GLIS3: variants seen among roughly 807,000 people sequenced by gnomAD.
GLIS3 encodes the protein zinc finger protein GLIS3.
In GLIS3, 53 loss-of-function variants were observed where a neutral mutation model predicts 78.6. The observed-to-expected ratio is 0.67, with a 90% confidence interval of 0.54 to 0.85. The LOEUF is 0.85. Among genes scored for constraint, GLIS3 ranks in the 40% least tolerant of loss-of-function variants. The probability of loss-of-function intolerance (pLI) is 0.00; values close to 1 mark genes in which losing one functional copy is unlikely to be tolerated. For missense variants in GLIS3, 1,703 were observed against 1,231.1 expected, an observed-to-expected ratio of 1.38 and a Z score of -5.74; for synonymous variants, 684 against 509.9, an observed-to-expected ratio of 1.34 and a Z score of -4.60.
the GLIS3 span, among the ~76,000 whole-genome samples, chr9:4,421,477 T>C: frequency 2.6e-5 from 4 of 152,230 alleles, no homozygotes; most frequent in Admixed American, 1.3e-4. Flanking sequence ...CCTGATCAAT[T>C]ACAGGTGGTG....
In GLIS3 at chr9:3,828,289, C is replaced by T; in HGVS notation, c.2776G>A (p.Val926Ile). ...GAGAGCTTTTAGCCTTCGGTGTAGA[C>T]AGAGGAGAGCTGGCTAGGACAGCGG... ...VDRCPSQLSS[V>I]YTEG The change falls in exon 11 of 11, where the codon GTC (valine) becomes ATC (isoleucine). Residue 926 changes from valine (V) to isoleucine (I), a missense_variant. Transcript: ENST00000381971. The T allele has an allele frequency of 6.2e-7, 1 of 1,614,064 alleles. No individual in the cohort carries two copies. Among genetic ancestry groups the T allele is most frequent in the Non-Finnish European group, 8.5e-7 (1 of 1,180,014 alleles).
At chr9:4,103,685 A>C (rs555971947) in intron 4 of GLIS3, among the ~76,000 whole-genome samples, 8 of 152,270 alleles carry the variant, frequency 5.3e-5, no homozygotes, top group African/African-American at 1.9e-4. Context: ...GTAGGAACTC[A>C]GATGTATGGA....
At chr9:4,283,028 T>C (rs1326154596) in intron 2 of GLIS3, among the ~76,000 whole-genome samples, 2 of 151,968 alleles carry the variant, frequency 1.3e-5, no homozygotes, top group East Asian at 3.9e-4. Context: ...TGAGTGCATT[T>C]TTCTCCCTTC....
chr9:4,179,897 G>A (rs1035575843), intron 2 of GLIS3, among the ~76,000 whole-genome samples: 3 of 137,028 alleles, frequency 2.2e-5, no homozygotes, highest in South Asian at 2.6e-4. Context: ...GTGAGAGAGC[G>A]AGACTCTGTC....
chr9:3,858,738 A>G (rs536327189), intron 8 of GLIS3, among the ~76,000 whole-genome samples: 2 of 152,334 alleles, frequency 1.3e-5, no homozygotes, highest in East Asian at 3.9e-4. Flanking sequence ...TAACTTTTAT[A>G]CATGTAGAGA....
At chr9:4,083,756 G>C (rs1281419347) in intron 4 of GLIS3, among the ~76,000 whole-genome samples, 2 of 152,290 alleles carry the variant, frequency 1.3e-5, no homozygotes, top group African/African-American at 4.8e-5. Flanking sequence ...ACTGCAGAAA[G>C]TGCAAGGAGA....
chr9:4,223,485 G>C (rs992769468), intron 2 of GLIS3, among the ~76,000 whole-genome samples: 11 of 152,160 alleles, frequency 7.2e-5, no homozygotes, highest in African/African-American at 2.7e-4. Context: ...CAAGCCCACT[G>C]CCTCCTCCTT....
chr9:3,996,847 A>G (rs1049852578), intron 4 of GLIS3, among the ~76,000 whole-genome samples: 3 of 152,218 alleles, frequency 2.0e-5, no homozygotes, highest in African/African-American at 7.2e-5. Context: ...AAAGGGTGAT[A>G]TAATTTCAGA....
At chr9:4,190,707 A>G (rs1162056779) in intron 2 of GLIS3, among the ~76,000 whole-genome samples, 3 of 152,152 alleles carry the variant, frequency 2.0e-5, no homozygotes, top group Non-Finnish European at 2.9e-5. Flanking sequence ...CCTCGAGAAG[A>G]GCAACTCCAA....
intron 6 of GLIS3, among the ~76,000 whole-genome samples, chr9:3,912,928 T>C (rs1331667030): frequency 6.6e-6 from 1 of 152,232 alleles, no homozygotes. Flanking sequence ...CCTCTGACAC[T>C]GGTTCATTGC....
chr9:4,084,602 G>A (rs1385743229), intron 4 of GLIS3, among the ~76,000 whole-genome samples: 1 of 152,092 alleles, frequency 6.6e-6, no homozygotes, highest in Non-Finnish European at 1.5e-5. Context: ...CTGAGCAGCC[G>A]AAGGATGGTG....
intron 1 of GLIS3, among the ~76,000 whole-genome samples, chr9:4,293,062 C>G (rs748178442): frequency 2.6e-5 from 4 of 152,030 alleles, no homozygotes; most frequent in Non-Finnish European, 5.9e-5. Flanking sequence ...GAAAAACAAA[C>G]AAACAAACAA....
chr9:3,881,145 C>CTGTT (rs1327119881), intron 7 of GLIS3, among the ~76,000 whole-genome samples: 1 of 152,134 alleles, frequency 6.6e-6, no homozygotes, highest in Admixed American at 6.5e-5. Context: ...GGGGAGAAGG[C>CTGTT]TGTTTGGATT....
At chr9:4,032,855 C>CA (rs1563967895) in intron 4 of GLIS3, among the ~76,000 whole-genome samples, 2 of 146,056 alleles carry the variant, frequency 1.4e-5, no homozygotes, top group African/African-American at 5.0e-5. Context: ...ATTGAGAATT[C>CA]TTTTTTTTTT....
chr9:4,268,831 C>A (rs1327296230), intron 2 of GLIS3, among the ~76,000 whole-genome samples: 1 of 152,144 alleles, frequency 6.6e-6, no homozygotes, highest in Non-Finnish European at 1.5e-5. Flanking sequence ...GTCCCAGCTC[C>A]AAGCCTCTAG....
At chr9:4,324,120 A>G (rs1326379977) in intron 2 of GLIS3, among the ~76,000 whole-genome samples, 1 of 152,196 alleles carries the variant, frequency 6.6e-6, no homozygotes, top group African/African-American at 2.4e-5. Context: ...TCCTGCACAC[A>G]TAACTCATAT....
chr9:4,316,027 T>G (rs1179395127), intron 2 of GLIS3, among the ~76,000 whole-genome samples: 1 of 152,216 alleles, frequency 6.6e-6, no homozygotes, highest in Non-Finnish European at 1.5e-5. Flanking sequence ...CATATTTATC[T>G]GGGATGATCA....
chr9:4,297,964 ACAGCGCCC>A, intron 1 of GLIS3, among the ~76,000 whole-genome samples: 1 of 137,146 alleles, frequency 7.3e-6, no homozygotes, highest in African/African-American at 2.7e-5. Flanking sequence ...GGCGGAGGCG[ACAGCGCCC>A]GGCGGGGTAC....
chr9:3,971,074 T>A (rs975364337), intron 4 of GLIS3, among the ~76,000 whole-genome samples: 3 of 72,618 alleles, frequency 4.1e-5, no homozygotes, highest in African/African-American at 2.3e-4. Flanking sequence ...AAGGATTAAT[T>A]GAAGGAAGGA....
Sources: allele counts gnomAD v4.1 joint callset (sites outside exome capture counted in the v4.1 genomes callset), GRCh38; gene constraint gnomAD v4.1.1; transcripts MANE v1.5; gene names NCBI Gene and HGNC (gene_info 2026-07-23, HGNC 2026-07-21).